Variants in IL1RL1 observed in about 807,000 individuals in gnomAD.
IL1RL1 encodes the protein interleukin 1 receptor like 1.
Under a neutral mutation model 50.9 loss-of-function variants are expected in IL1RL1, and 32 were observed. The observed-to-expected ratio is 0.63, with a 90% confidence interval of 0.47 to 0.84. The LOEUF (loss-of-function observed/expected upper bound fraction) is 0.84. Among genes scored for constraint, IL1RL1 ranks in the 40% least tolerant of loss-of-function variants. IL1RL1 has a pLI of 0.00. For missense variants in IL1RL1, 773 were observed against 662.9 expected (o/e 1.17, Z -1.82); for synonymous variants, 275 against 236.0 (o/e 1.17, Z -1.51).
intron 3 of IL1RL1, among the ~76,000 whole-genome samples, chr2:102,339,650 C>T (rs192653143): frequency 5.3e-5 from 8 of 152,254 alleles, no homozygotes; most frequent in Non-Finnish European, 8.8e-5. Flanking sequence ...CTGTGCGATG[C>T]CAGCAAGTTA....
At chr2:102,342,755 T>C (rs1002205649) in intron 6 of IL1RL1, among the ~76,000 whole-genome samples, 1 of 152,142 alleles carries the variant, frequency 6.6e-6, no homozygotes, top group South Asian at 2.1e-4. Flanking sequence ...TCCTTTGTAA[T>C]GTGGGGTTGG....
At chr2:102,341,346 C>CAA (rs1428674387) in intron 5 of IL1RL1, 2 of 1,226,278 alleles carry the variant, frequency 1.6e-6, no homozygotes, top group African/African-American at 3.2e-5. Flanking sequence ...TCAACATCAT[C>CAA]AATGGCCTTG....
chr2:102,333,762 A>G (rs1391619285), intron 1 of IL1RL1, among the ~76,000 whole-genome samples: 2 of 152,096 alleles, frequency 1.3e-5, no homozygotes, highest in East Asian at 1.9e-4. Context: ...TGGAGTCCCC[A>G]GTGTCTATTA....
chr2:102,317,062 TA>T (rs1674180103), intron 1 of IL1RL1, among the ~76,000 whole-genome samples: 1 of 152,180 alleles, frequency 6.6e-6, no homozygotes, highest in South Asian at 2.1e-4. Context: ...TCTTTAAAAT[TA>T]AAATGTTTCA....
intron 1 of IL1RL1, among the ~76,000 whole-genome samples, chr2:102,325,996 A>G (rs1431470705): frequency 6.6e-6 from 1 of 152,208 alleles, no homozygotes; most frequent in Admixed American, 6.5e-5. Context: ...CAGGAAATAC[A>G]GAGAACACCA....
At chr2:102,344,469 T>G in intron 8 of IL1RL1, 7 of 532,178 alleles carry the variant, frequency 1.3e-5, no homozygotes, top group Non-Finnish European at 1.7e-5. Flanking sequence ...GTACCACGTA[T>G]TCCAGGGAGC....
At chr2:102,317,862 A>G (rs78498356) in intron 1 of IL1RL1, among the ~76,000 whole-genome samples, 2 of 152,112 alleles carry the variant, frequency 1.3e-5, no homozygotes, top group African/African-American at 4.8e-5. Flanking sequence ...GGCAGACCTC[A>G]TTGAGAAAGT....
chr2:102,343,285 G>T lies in IL1RL1; in HGVS notation c.840G>T (p.Leu280=). The T allele has an allele frequency of 1.9e-6, 3 of 1,614,202 alleles. No homozygotes were observed. The highest frequency in any genetic ancestry group is 8.5e-7 in the Non-Finnish European group (1 of 1,180,032). The change falls in exon 8 of 11, where the codon CTG becomes CTT. Residue 280 remains leucine (L), a synonymous_variant. Coordinates refer to ENST00000233954, the MANE Select transcript of IL1RL1 (RefSeq NM_016232.5). ...EGQNQSFSNG[L]ACLDMVLRIA... ...GCTTTCTTAGTTTCAGCAATGGGCT[G>T]GCTTGTCTAGACATGGTTTTAAGAA...
At chr2:102,321,917 A>G (rs1042308938) in intron 1 of IL1RL1, among the ~76,000 whole-genome samples, 3 of 152,054 alleles carry the variant, frequency 2.0e-5, no homozygotes, top group Non-Finnish European at 4.4e-5. Context: ...AAGTCAAACA[A>G]CTCTAGTCTG....
intron 8 of IL1RL1, chr2:102,345,344 C>T (rs1332990782): frequency 1.0e-6 from 1 of 985,274 alleles, no homozygotes; most frequent in African/African-American, 1.7e-5. Context: ...CATATCCAGG[C>T]AAAGACATCC....
In IL1RL1 at chr2:102,338,201, A is replaced by G. The variant is rs1218207163; in HGVS notation, c.-64A>G. 3.1e-5 allele frequency: 33 copies of G among 1,079,568 alleles called. No homozygotes were observed. The Admixed American group carries it at 4.8e-4, about 16-fold the overall frequency. The allele number at this position is 1,079,568 out of a possible 1,614,324, so 66.9% of individuals were successfully genotyped here. A position where few individuals can be genotyped will look rare whatever the true frequency, so the allele number is the denominator to read the frequency against. On this transcript the variant is annotated 5_prime_UTR_variant, in exon 2 of 11. Transcript: ENST00000233954. ...GTGGTGACCTTCACTGTCGTATGCC[A>G]GTGACTCATCTGGAGTAATCTCAAC...
intron 1 of IL1RL1, chr2:102,313,580 T>C (rs1331664773): frequency 6.6e-6 from 1 of 152,222 alleles, no homozygotes; most frequent in Admixed American, 6.5e-5. Flanking sequence ...CTATGTCCTT[T>C]AAAATATTTG....
At chr2:102,345,671 T>G (rs941593610) in intron 8 of IL1RL1, 2 of 985,408 alleles carry the variant, frequency 2.0e-6, no homozygotes, top group African/African-American at 3.5e-5. Flanking sequence ...TAATTTTGAC[T>G]TTAACCCCTG....
At chr2:102,325,658 G>T (rs955461885) in intron 1 of IL1RL1, among the ~76,000 whole-genome samples, 2 of 152,206 alleles carry the variant, frequency 1.3e-5, no homozygotes, top group Admixed American at 6.5e-5. Flanking sequence ...AGTCCTTAAA[G>T]GACCTGATGG....
chr2:102,345,985 T>TA, intron 8 of IL1RL1: 1 of 985,338 alleles, frequency 1.0e-6, no homozygotes, highest in Non-Finnish European at 1.2e-6. Context: ...TTACAGGTGT[T>TA]TAATGATTTT....
intron 1 of IL1RL1, among the ~76,000 whole-genome samples, chr2:102,311,988 T>A (rs13404215): frequency 4.6e-4 from 15 of 32,594 alleles, no homozygotes; most frequent in East Asian, 2.8e-3. Context: ...ATAATATATA[T>A]TATATATAAT....
At chr2:102,327,201 T>C (rs371003398) in intron 1 of IL1RL1, among the ~76,000 whole-genome samples, 1 of 151,982 alleles carries the variant, frequency 6.6e-6, no homozygotes, top group Admixed American at 6.6e-5. Context: ...TTAAGAAACT[T>C]ACTCAAAACC....
intron 1 of IL1RL1, among the ~76,000 whole-genome samples, chr2:102,322,706 G>A (rs546188700): frequency 6.6e-6 from 1 of 152,296 alleles, no homozygotes; most frequent in East Asian, 1.9e-4. Flanking sequence ...TCAGTTGAAT[G>A]AGATTCAGCA....
chr2:102,352,041 T>A, downstream of IL1RL1: 2 of 1,035,150 alleles, frequency 1.9e-6, no homozygotes, highest in Non-Finnish European at 2.8e-6. Context: ...AGGCCTCAGG[T>A]TTCATCTGGT....
Sources: allele counts gnomAD v4.1 joint callset (sites outside exome capture counted in the v4.1 genomes callset), GRCh38; gene constraint gnomAD v4.1.1; transcripts MANE v1.5; gene names NCBI Gene and HGNC (gene_info 2026-07-23, HGNC 2026-07-21).